The following CCNI2 variants were observed in gnomAD, a reference collection of about 807,000 sequenced individuals.
The protein encoded by CCNI2 is cyclin I family member 2.
A neutral mutation model predicts 33.2 loss-of-function variants in CCNI2; 32 were observed. That is an observed-to-expected ratio of 0.96 (90% CI 0.73 to 1.30). The LOEUF is 1.30. Among genes scored for constraint, CCNI2 ranks in the 50% most tolerant of loss-of-function variants. The pLI is 0.00. For missense variants in CCNI2, 452 were observed against 486.2 expected, an observed-to-expected ratio of 0.93 and a Z score of 0.66; for synonymous variants, 231 against 219.9, an observed-to-expected ratio of 1.05 and a Z score of -0.45.
At position 132,752,021 on chromosome 5, in the gene CCNI2, G is replaced by A. The variant is rs1260368208; in HGVS notation, c.830G>A (p.Arg277Lys). The stretch of plus-strand genomic sequence containing the variant: ...CATGTGTTGGAGCTGCTGCCTCAGA[G>A]GAATCCTTCCCTCCACGTCGCATCC... ...WPHVLELLPQ[R>K]NPSLHVASLT... Residue 277 changes from arginine to lysine, a missense_variant, in exon 5 of 6, where the codon AGG becomes AAG. Arg to Lys is a conservative substitution (Grantham distance 26). Transcript: ENST00000378731. 2 of 1,612,388 alleles carry A rather than the reference G, an allele frequency of 1.2e-6. No individual in the cohort carries two copies. Among genetic ancestry groups the A allele is most frequent in the Non-Finnish European group, 1.7e-6 (2 of 1,179,462 alleles).
rs1185126907 is a variant in CCNI2 at position 132,748,579 on chromosome 5, A to G, written c.558+104A>G. 7.7e-6 allele frequency: 11 copies of G among 1,432,276 alleles called. No homozygotes were observed. The Admixed American group carries it at 2.0e-4, about 26-fold the overall frequency. 88.7% of individuals were successfully genotyped at this position (1,432,276 alleles called of 1,614,324 possible). On this transcript the variant is annotated intron_variant, in intron 2 of 5. Coordinates refer to ENST00000378731, the MANE Select transcript of CCNI2 (RefSeq NM_001039780.4). ...GAGGGTTTCCAGATGCTCAAAACCA[A>G]GGTGTATAAACTAACTTGCTCCGAG...
chr5:132,751,119 G>A lies in CCNI2; in HGVS notation c.774+122G>A, dbSNP rs979861314. The A allele has an allele frequency of 1.3e-5, 15 of 1,119,900 alleles. No homozygotes were observed. In the African/African-American group the frequency reaches 2.3e-4, roughly 17 times the overall value. The allele number at this position is 1,119,900 out of a possible 1,614,324, so 69.4% of individuals were successfully genotyped here. A position where few individuals can be genotyped will look rare whatever the true frequency, so the allele number is the denominator to read the frequency against. ...CGCCCTTGCACATGCACCACAGTGA[G>A]GTGACGCACAAGGCTCATGACATAC... On this transcript the variant is annotated intron_variant, in intron 4 of 5. Transcript: ENST00000378731.
intron 5 of CCNI2, 86 bp downstream of exon 5, chr5:132,752,282 C>A (rs915735995): frequency 3.6e-6 from 5 of 1,379,844 alleles, no homozygotes; most frequent in Non-Finnish European, 3.9e-6. Context: ...ACCCTTTGCC[C>A]TTGTAGCCTC....
At chr5:132,749,165 A>G (rs1754700735) in intron 2 of CCNI2, among the ~76,000 whole-genome samples, 183 bp from the exon 3 acceptor site, 1 of 152,168 alleles carries the variant, frequency 6.6e-6, no homozygotes, top group Non-Finnish European at 1.5e-5. Context: ...CTGTGACAGG[A>G]GAATCGCTCA....
At position 132,747,617 on chromosome 5, in the gene CCNI2, C is replaced by T; in HGVS notation, c.122C>T (p.Pro41Leu). The T allele has an allele frequency of 6.7e-7, 1 of 1,501,112 alleles. No individual in the cohort carries two copies. The highest frequency in any genetic ancestry group is 2.8e-5 in the East Asian group (1 of 36,242). 93.0% of individuals were successfully genotyped at this position (1,501,112 alleles called of 1,614,324 possible). The change falls in exon 1 of 6, where the codon CCG becomes CTG. Residue 41 changes from proline (P) to leucine (L), a missense_variant. Transcript: ENST00000378731. The surrounding 1 kb of genome is among the most constrained non-coding windows in gnomAD (Gnocchi z 4.1). ...EETALGVPLP[P>L]SPGEAPLPRS... ...ACAGCCCTGGGCGTTCCTCTCCCGC[C>T]GTCTCCGGGGGAGGCCCCTCTGCCC...
Position 132,754,102 on chromosome 5 carries a change from T to C in CCNI2, c.*1132T>C. The C allele has an allele frequency of 3.0e-6, 1 of 329,298 alleles. No individual in the cohort carries two copies. 20.4% of individuals were successfully genotyped at this position (329,298 alleles called of 1,614,324 possible). A position where few individuals can be genotyped will look rare whatever the true frequency, so the allele number is the denominator to read the frequency against. On this transcript the variant is annotated 3_prime_UTR_variant, in exon 6 of 6. Transcript: ENST00000378731. Reference sequence around the variant, plus strand: ...ATTATAGAGTTAGTATACATCTGTATTTTTTCTTGACACACTTTTGCTTGT... The same window carrying C: ...ATTATAGAGTTAGTATACATCTGTACTTTTTCTTGACACACTTTTGCTTGT...
rs1267572677 is a variant in CCNI2 at position 132,752,902 on chromosome 5, G to C, written c.1042G>C (p.Val348Leu). The C allele has an allele frequency of 1.2e-6, 2 of 1,614,022 alleles. No homozygotes were observed. Among genetic ancestry groups the C allele is most frequent in the African/African-American group, 1.3e-5 (1 of 74,912 alleles). The change falls in exon 6 of 6, where the codon GTA (valine) becomes CTA (leucine). Residue 348 changes from valine to leucine, a missense_variant. By Grantham distance (32) the Val-to-Leu change is conservative. Coordinates refer to ENST00000378731, the MANE Select transcript of CCNI2 (RefSeq NM_001039780.4). Reference protein sequence around the residue: ...DMQYSCCKELVMQQLRSLQSS... With the variant: ...DMQYSCCKELLMQQLRSLQSS... ...GCAGTACAGCTGCTGCAAGGAACTTGTAATGCAGCAACTGAGAAGTCTTCA... is the reference window on the plus strand; with the variant it reads ...GCAGTACAGCTGCTGCAAGGAACTTCTAATGCAGCAACTGAGAAGTCTTCA...
rs539830718 is a variant in CCNI2, at chr5:132,749,339, A to C, written c.559-9A>C. The C allele has an allele frequency of 6.2e-6, 10 of 1,609,778 alleles. No homozygotes were observed. In the South Asian group the frequency reaches 8.8e-5, roughly 14 times the overall value. ...TATTCTGCTCAAATGTGTTTGTTCC[A>C]TACTGCAGGTAAAAGAGAAATACCT... is the stretch of plus-strand genomic sequence containing the variant. On this transcript the variant is annotated splice_polypyrimidine_tract_variant and intron_variant, in intron 2 of 5. Coordinates refer to ENST00000378731, the MANE Select transcript of CCNI2 (RefSeq NM_001039780.4).
intron 4 of CCNI2, 141 bp downstream of exon 4, chr5:132,751,138 G>C: frequency 1.2e-6 from 1 of 863,398 alleles, no homozygotes; most frequent in Non-Finnish European, 1.7e-6. Flanking sequence ...CAAGGCTCAT[G>C]ACATACGGAA....
chr5:132,751,698 G>A (rs1259169329), intron 4 of CCNI2: 20 of 542,314 alleles, frequency 3.7e-5, no homozygotes, highest in Middle Eastern at 9.5e-4. Flanking sequence ...TTTCAGAATG[G>A]AAACATTGTC....
Position 132,749,032 on chromosome 5 carries a change from G to A in CCNI2, c.559-316G>A, listed in dbSNP as rs1754695506. Reference sequence around the variant, plus strand: ...GCAATTTGGGAGGCCAAGGGGTGTGGATCACTTGAGGTCAGGAGTTGGAGA... The same window carrying A: ...GCAATTTGGGAGGCCAAGGGGTGTGAATCACTTGAGGTCAGGAGTTGGAGA... On this transcript the variant is annotated intron_variant, in intron 2 of 5. Transcript: ENST00000378731. Among the ~76,000 whole-genome samples the A allele has an allele frequency of 2.0e-5, 3 of 152,234 alleles. No homozygotes were observed. In the South Asian group the frequency reaches 6.2e-4, roughly 32 times the overall value.
downstream of CCNI2, among the ~76,000 whole-genome samples, chr5:132,755,136 T>C (rs12188656): frequency 0.36 from 55,469 of 152,074 alleles, 17,018 homozygotes; most frequent in African/African-American, 0.81. Flanking sequence ...CAAGTAGAGC[T>C]GAGCTATGCC....
downstream of CCNI2, among the ~76,000 whole-genome samples, chr5:132,754,785 C>A (rs1581132206): frequency 6.6e-6 from 1 of 152,176 alleles, no homozygotes; most frequent in East Asian, 1.9e-4. Flanking sequence ...GGAAACATTT[C>A]TCAGGGAGAA....
chr5:132,750,797 G>T, intron 3 of CCNI2, 60 bp from the exon 4 acceptor site: 1 of 1,570,278 alleles, frequency 6.4e-7, no homozygotes, highest in South Asian at 1.2e-5. Context: ...CCATGGGTAA[G>T]AAAACAAAAG....
intron 2 of CCNI2, among the ~76,000 whole-genome samples, chr5:132,748,968 AC>A (rs1754691305): frequency 6.6e-6 from 1 of 152,204 alleles, no homozygotes; most frequent in Non-Finnish European, 1.5e-5. Flanking sequence ...GCTTATTAAA[AC>A]AAACGGCTGG....
rs1002903795 is a variant in CCNI2 at position 132,753,371 on chromosome 5, A to T, written c.*401A>T. 1.0e-5 allele frequency: 2 copies of T among 200,578 alleles called. No individual in the cohort carries two copies. Among genetic ancestry groups the T allele is most frequent in the Non-Finnish European group, 2.1e-5 (2 of 96,090 alleles). The allele number at this position is 200,578 out of a possible 1,614,324, so 12.4% of individuals were successfully genotyped here. A position where few individuals can be genotyped will look rare whatever the true frequency, so the allele number is the denominator to read the frequency against. On this transcript the variant is annotated 3_prime_UTR_variant, in exon 6 of 6. Transcript: ENST00000378731. ...GGCTGAAGGGCTGGGGCTAGCTCTG[A>T]CCAGTTCTTGCTGCTCTACCTGCCA...
At chr5:132,751,159 G>A (rs1754812950) in intron 4 of CCNI2, 162 bp downstream of exon 4, 1 of 676,520 alleles carries the variant, frequency 1.5e-6, no homozygotes, top group Non-Finnish European at 2.3e-6. Flanking sequence ...GAGTGAAAAG[G>A]TATCTTAAAT....
downstream of CCNI2, chr5:132,755,984 A>C (rs1755293153): frequency 1.0e-6 from 1 of 985,220 alleles, no homozygotes; most frequent in Non-Finnish European, 1.2e-6. Flanking sequence ...GCTACTGCCC[A>C]AAAAAGACAC....
intron 1 of CCNI2, 51 bp from the exon 2 acceptor site, chr5:132,748,296 G>C: frequency 6.3e-7 from 1 of 1,581,830 alleles, no homozygotes; most frequent in South Asian, 1.1e-5. Context: ...TGGGGGACCA[G>C]GAGTGGCCGC....
Sources: allele counts gnomAD v4.1 joint callset (sites outside exome capture counted in the v4.1 genomes callset), GRCh38; gene constraint gnomAD v4.1.1; non-coding constraint Gnocchi (gnomAD v3.1); transcripts MANE v1.5; gene names NCBI Gene and HGNC (gene_info 2026-07-23, HGNC 2026-07-21).